Variants in CYP39A1 observed in about 807,000 individuals in gnomAD.
CYP39A1 encodes 24-hydroxycholesterol 7-alpha-hydroxylase.
A neutral mutation model predicts 58.1 loss-of-function variants in CYP39A1; 49 were observed. The ratio of observed to expected loss-of-function variants is 0.84; its 90% CI spans 0.67 to 1.07. The LOEUF (loss-of-function observed/expected upper bound fraction) is 1.07, where lower values mean the gene tolerates loss of function less well. CYP39A1 is among the 50% of genes least tolerant of loss of function. The probability of loss-of-function intolerance (pLI) is 0.00; values close to 1 mark genes in which losing one functional copy is unlikely to be tolerated. For synonymous variants in CYP39A1, 209 were observed against 187.6 expected, an observed-to-expected ratio of 1.11 and a Z score of -0.93; for missense variants, 531 against 539.4, an observed-to-expected ratio of 0.98 and a Z score of 0.16.
At chr6:46,626,826 A>G (rs570096673) in intron 6 of CYP39A1, among the ~76,000 whole-genome samples, 9 of 152,308 alleles carry the variant, frequency 5.9e-5, no homozygotes, top group African/African-American at 2.2e-4. Context: ...ACTGAATTCA[A>G]TTAATAACTA....
chr6:46,550,909 G>A (rs1770360488), intron 11 of CYP39A1, among the ~76,000 whole-genome samples: 3 of 152,116 alleles, frequency 2.0e-5, no homozygotes, highest in African/African-American at 7.2e-5. Flanking sequence ...TTTTTGAGAG[G>A]AGTCTCACTC....
intron 10 of CYP39A1, among the ~76,000 whole-genome samples, chr6:46,582,703 A>G (rs1447585295): frequency 6.6e-6 from 1 of 150,402 alleles, no homozygotes; most frequent in Non-Finnish European, 1.5e-5. Flanking sequence ...TTTTTTTCAT[A>G]TGGCTATGTC....
chr6:46,594,074 C>A (rs775578675), intron 8 of CYP39A1, among the ~76,000 whole-genome samples: 1 of 152,028 alleles, frequency 6.6e-6, no homozygotes, highest in Non-Finnish European at 1.5e-5. Context: ...AATCAGTAGA[C>A]AAGAGACCAT....
intron 10 of CYP39A1, chr6:46,583,467 A>G: frequency 1.0e-6 from 1 of 985,404 alleles, no homozygotes; most frequent in Non-Finnish European, 1.2e-6. Flanking sequence ...TTATTCCTCC[A>G]TTTAAATCGT....
chr6:46,582,616 A>C (rs909066559), intron 10 of CYP39A1, among the ~76,000 whole-genome samples: 1 of 151,526 alleles, frequency 6.6e-6, no homozygotes, highest in Non-Finnish European at 1.5e-5. Context: ...CTTCCTCCAA[A>C]TTCTTATGGC....
chr6:46,606,112 C>G (rs980069442), intron 7 of CYP39A1, among the ~76,000 whole-genome samples: 2 of 151,910 alleles, frequency 1.3e-5, no homozygotes, highest in Non-Finnish European at 2.9e-5. Flanking sequence ...TGACCTCCTT[C>G]AGAAAAACAT....
intron 7 of CYP39A1, among the ~76,000 whole-genome samples, chr6:46,609,500 A>G (rs1774076512): frequency 6.6e-6 from 1 of 152,212 alleles, no homozygotes; most frequent in Non-Finnish European, 1.5e-5. Flanking sequence ...CATCAAAAAA[A>G]TTGATTTATC....
chr6:46,617,494 T>G (rs892687249), intron 7 of CYP39A1, among the ~76,000 whole-genome samples: 1 of 152,098 alleles, frequency 6.6e-6, no homozygotes, highest in Non-Finnish European at 1.5e-5. Flanking sequence ...AGTATACATA[T>G]AGCATACCTC....
intron 10 of CYP39A1, among the ~76,000 whole-genome samples, chr6:46,567,604 A>G (rs748103491): frequency 6.6e-6 from 1 of 152,042 alleles, no homozygotes; most frequent in Non-Finnish European, 1.5e-5. Flanking sequence ...CAAAGGTTCC[A>G]ATTTCTCCAC....
At chr6:46,642,092 A>G (rs1776373528) in intron 2 of CYP39A1, 71 bp downstream of exon 2, 2 of 1,512,386 alleles carry the variant, frequency 1.3e-6, no homozygotes, top group Non-Finnish European at 1.8e-6. Flanking sequence ...ATGAGGATGT[A>G]ATTTTTACCT....
intron 6 of CYP39A1, among the ~76,000 whole-genome samples, chr6:46,628,508 A>G (rs1775452509): frequency 6.6e-6 from 1 of 152,222 alleles, no homozygotes; most frequent in Admixed American, 6.5e-5. Context: ...TGGAACTTAG[A>G]AATGGTTTTC....
intron 10 of CYP39A1, 48 bp downstream of exon 10, chr6:46,587,029 T>A: frequency 1.5e-6 from 2 of 1,369,282 alleles, no homozygotes; most frequent in Non-Finnish European, 2.1e-6. Context: ...TGAGCCATCA[T>A]CTTTCTGCAG....
chr6:46,597,671 G>C (rs1331997311), intron 7 of CYP39A1, among the ~76,000 whole-genome samples: 1 of 152,004 alleles, frequency 6.6e-6, no homozygotes, highest in Admixed American at 6.6e-5. Flanking sequence ...AATGGCAATG[G>C]GTCCAGTTTG....
chr6:46,619,995 G>T (rs1030225259), intron 7 of CYP39A1, among the ~76,000 whole-genome samples: 1 of 152,052 alleles, frequency 6.6e-6, no homozygotes, highest in Non-Finnish European at 1.5e-5. Flanking sequence ...ATCTCCTAAA[G>T]TTCCCTCCTT....
intron 2 of CYP39A1, among the ~76,000 whole-genome samples, chr6:46,641,463 A>T (rs1776332757): frequency 1.3e-5 from 2 of 152,216 alleles, no homozygotes; most frequent in South Asian, 4.1e-4. Context: ...AGAAGAAAAA[A>T]GGGAAACAGA....
chr6:46,569,252 T>C (rs1771456330), intron 10 of CYP39A1, among the ~76,000 whole-genome samples: 1 of 152,106 alleles, frequency 6.6e-6, no homozygotes. Flanking sequence ...TTTGTTGAGT[T>C]ATTTATTAGT....
intron 7 of CYP39A1, among the ~76,000 whole-genome samples, chr6:46,622,887 C>G (rs916369805): frequency 8.5e-5 from 13 of 152,138 alleles, no homozygotes; most frequent in Admixed American, 2.6e-4. Flanking sequence ...AGGCAGCTAT[C>G]AAGATAGTTC....
intron 7 of CYP39A1, among the ~76,000 whole-genome samples, chr6:46,622,388 C>G (rs1433013836): frequency 6.6e-6 from 1 of 151,950 alleles, no homozygotes; most frequent in East Asian, 1.9e-4. Flanking sequence ...TACATGCACA[C>G]AAACTTATAG....
chr6:46,603,280 C>G (rs931699331), intron 7 of CYP39A1, among the ~76,000 whole-genome samples: 1 of 152,192 alleles, frequency 6.6e-6, no homozygotes, highest in Non-Finnish European at 1.5e-5. Flanking sequence ...ACTGCCTTTC[C>G]TTTTGTTCCT....
Sources: gnomAD v4.1 joint callset for allele counts (sites outside exome capture counted in the v4.1 genomes callset) on GRCh38, gnomAD v4.1.1 for gene constraint, MANE v1.5 for transcripts, NCBI Gene and HGNC (gene_info 2026-07-23, HGNC 2026-07-21) for gene names.